Variants in CHN2 observed in about 807,000 individuals in gnomAD.
CHN2 encodes the protein chimerin 2, also known as beta-chimaerin.
Under a neutral mutation model 56.3 loss-of-function variants are expected in CHN2, and 35 were observed. The ratio of observed to expected loss-of-function variants is 0.62; its 90% confidence interval spans 0.47 to 0.82. CHN2 has a LOEUF of 0.82. Among genes scored for constraint, CHN2 ranks in the 40% least tolerant of loss-of-function variants. CHN2 has a pLI of 0.00. For synonymous variants in CHN2, 210 were observed against 212.8 expected (o/e 0.99, Z 0.12); for missense variants, 491 against 580.5 (o/e 0.85, Z 1.58).
chr7:29,337,170 C>T (rs908835423), intron 1 of CHN2, among the ~76,000 whole-genome samples: 1 of 152,174 alleles, frequency 6.6e-6, no homozygotes, highest in African/African-American at 2.4e-5. Flanking sequence ...GAGAGGAGAA[C>T]ATGAACAAAT....
At chr7:29,388,476 T>C (rs756955619) in intron 3 of CHN2, among the ~76,000 whole-genome samples, 4 of 92,870 alleles carry the variant, frequency 4.3e-5, no homozygotes, top group Non-Finnish European at 9.3e-5. Flanking sequence ...TGCAAGCATA[T>C]TACACATATT....
At chr7:29,198,781 T>C (rs1783932096) in intron 1 of CHN2, among the ~76,000 whole-genome samples, 1 of 152,186 alleles carries the variant, frequency 6.6e-6, no homozygotes, top group Non-Finnish European at 1.5e-5. Context: ...ATTAGCAATA[T>C]GATTGCCAAA....
At chr7:29,376,906 G>A (rs1478750875) in intron 3 of CHN2, among the ~76,000 whole-genome samples, 1 of 152,018 alleles carries the variant, frequency 6.6e-6, no homozygotes, top group East Asian at 1.9e-4. Context: ...GTCAGTACTT[G>A]ATTAAGCCTG....
chr7:29,169,251 T>A (rs537200217), intron 2 of CHN2, among the ~76,000 whole-genome samples: 1 of 152,354 alleles, frequency 6.6e-6, no homozygotes, highest in Admixed American at 6.5e-5. Context: ...TATGCTGATA[T>A]TACCATTGTA....
At chr7:29,294,210 G>C (rs1157568749) in intron 1 of CHN2, among the ~76,000 whole-genome samples, 1 of 151,994 alleles carries the variant, frequency 6.6e-6, no homozygotes, top group African/African-American at 2.4e-5. Context: ...TTGTATCTCC[G>C]GCACCTGGAA....
intron 2 of CHN2, among the ~76,000 whole-genome samples, chr7:29,357,109 T>G (rs538407808): frequency 6.6e-6 from 1 of 152,380 alleles, no homozygotes; most frequent in African/African-American, 2.4e-5. Flanking sequence ...GGAAAATCCT[T>G]GCTACTTAAA....
In CHN2 at chr7:29,195,615, AGAGAGAGAGAGAGAGTGT is replaced by A. The variant is rs1314530809; in HGVS notation, c.49+627_49+644del. ...ATTTACGAGAGAGAGAGAGAGAGAGAGAGAGAGAGAGAGAGTGTGTGTGTGTGTGTGTGTGAGAGAGAG... is the reference window on the plus strand; with the variant it reads ...ATTTACGAGAGAGAGAGAGAGAGAGAGTGTGTGTGTGTGTGTGAGAGAGAG... On this transcript the variant is annotated intron_variant, in intron 1 of 12. Transcript: ENST00000222792. Among the ~76,000 whole-genome samples, 3 of 125,906 alleles carry A rather than the reference AGAGAGAGAGAGAGAGTGT, an allele frequency of 2.4e-5. No homozygotes were observed. The East Asian group carries it at 1.4e-3, about 57-fold the overall frequency. The allele number at this position is 125,906 out of a possible 152,430, so 82.6% of individuals were successfully genotyped here.
At chr7:29,229,096 G>A (rs554882194) in intron 1 of CHN2, among the ~76,000 whole-genome samples, 1 of 152,078 alleles carries the variant, frequency 6.6e-6, no homozygotes, top group Non-Finnish European at 1.5e-5. Flanking sequence ...GCTCCTCCCC[G>A]CTGTTGACCT....
intron 3 of CHN2, among the ~76,000 whole-genome samples, chr7:29,372,188 G>T (rs1325701694): frequency 6.6e-6 from 1 of 151,514 alleles, no homozygotes; most frequent in Non-Finnish European, 1.5e-5. Context: ...AGCCCCACTA[G>T]ATTCTATTCC....
intron 2 of CHN2, among the ~76,000 whole-genome samples, chr7:29,187,419 A>G: frequency 6.6e-6 from 1 of 151,872 alleles, no homozygotes; most frequent in Middle Eastern, 3.2e-3. Flanking sequence ...TATACATGCC[A>G]CTTCCTAAAG....
In CHN2 at chr7:29,304,824, G is replaced by C. The variant is rs190398509; in HGVS notation, c.50-49801G>C. On this transcript the variant is annotated intron_variant, in intron 1 of 12. Coordinates refer to ENST00000222792, the MANE Select transcript of CHN2 (RefSeq NM_004067.4). Reference sequence around the variant, plus strand: ...GAGGCTTCAGCTGGACCTCTTGAATGGTTTAAATAAGTGTCGTCTGCATTT... The same window carrying C: ...GAGGCTTCAGCTGGACCTCTTGAATCGTTTAAATAAGTGTCGTCTGCATTT... Among the ~76,000 whole-genome samples the C allele has an allele frequency of 5.3e-5, 8 of 152,326 alleles. No individual in the cohort carries two copies. The East Asian group carries it at 9.7e-4, about 18-fold the overall frequency.
intron 1 of CHN2, among the ~76,000 whole-genome samples, chr7:29,251,558 C>G (rs1426774133): frequency 6.6e-6 from 1 of 152,192 alleles, no homozygotes; most frequent in East Asian, 1.9e-4. Flanking sequence ...TATCAAGCAC[C>G]GAACATGGTG....
intron 6 of CHN2, among the ~76,000 whole-genome samples, chr7:29,440,781 G>A (rs539215872): frequency 2.6e-5 from 4 of 151,892 alleles, no homozygotes; most frequent in African/African-American, 4.8e-5. Flanking sequence ...CTTTCAAGGT[G>A]TGTGATATCC....
chr7:29,345,787 A>G (rs1202414175), intron 1 of CHN2, among the ~76,000 whole-genome samples: 4 of 152,088 alleles, frequency 2.6e-5, no homozygotes, highest in African/African-American at 7.2e-5. Flanking sequence ...CAGAAGCTCC[A>G]TGTGGCCCCG....
intron 1 of CHN2, among the ~76,000 whole-genome samples, chr7:29,344,793 G>T (rs1398407523): frequency 6.6e-6 from 1 of 152,154 alleles, no homozygotes; most frequent in Non-Finnish European, 1.5e-5. Context: ...CAAGGCAGAG[G>T]TGATCCGTCA....
intron 1 of CHN2, among the ~76,000 whole-genome samples, chr7:29,220,974 A>G (rs1003376251): frequency 1.3e-5 from 2 of 152,210 alleles, no homozygotes; most frequent in African/African-American, 4.8e-5. Context: ...TTTAACATTT[A>G]AAAACCAATC....
chr7:29,213,050 G>T (rs1188326787), intron 1 of CHN2: 8 of 1,607,738 alleles, frequency 5.0e-6, no homozygotes, highest in Middle Eastern at 2.2e-4. Flanking sequence ...CTGCAGTCCT[G>T]CATGCAGTTC....
At chr7:29,159,549 T>C (rs1584479425) in intron 2 of CHN2, among the ~76,000 whole-genome samples, 1 of 152,178 alleles carries the variant, frequency 6.6e-6, no homozygotes, top group African/African-American at 2.4e-5. Context: ...TTCTCCTATG[T>C]AGAGTGATGA....
intron 6 of CHN2, among the ~76,000 whole-genome samples, chr7:29,459,587 A>G (rs549686039): frequency 6.6e-6 from 1 of 152,328 alleles, no homozygotes; most frequent in East Asian, 1.9e-4. Context: ...GGGAAGGAAC[A>G]GATAATTCTC....
Sources: allele counts gnomAD v4.1 joint callset (sites outside exome capture counted in the v4.1 genomes callset), GRCh38; gene constraint gnomAD v4.1.1; transcripts MANE v1.5; gene names NCBI Gene and HGNC (gene_info 2026-07-23, HGNC 2026-07-21).